NEXMIF: variants seen among roughly 807,000 people sequenced by gnomAD.
The protein encoded by NEXMIF is neurite extension and migration factor, also known as XLMR protein related to neurite extension.
In NEXMIF, 8 loss-of-function variants were observed where a neutral mutation model predicts 62.1. The ratio of observed to expected loss-of-function variants is 0.13; its 90% CI spans 0.08 to 0.23. NEXMIF has a LOEUF of 0.23. NEXMIF is among the 10% of genes least tolerant of loss of function. The pLI is 1.00. For missense variants in NEXMIF, 976 were observed against 1,113.3 expected, an observed-to-expected ratio of 0.88 and a Z score of 1.75; for synonymous variants, 404 against 416.6, an observed-to-expected ratio of 0.97 and a Z score of 0.37.
chrX:74,826,351 T>A (rs2080417298), intron 1 of NEXMIF, among the ~76,000 whole-genome samples: 1 of 112,244 alleles, frequency 8.9e-6, no homozygotes, highest in African/African-American at 3.2e-5. Flanking sequence ...TGCCCACTTT[T>A]TAATGGGGTT....
At chrX:74,884,552 C>T (rs754621985) in intron 1 of NEXMIF, among the ~76,000 whole-genome samples, 1 of 111,654 alleles carries the variant, frequency 9.0e-6, no homozygotes, top group African/African-American at 3.3e-5. Context: ...ACAAAGCAGG[C>T]CATTATATAA....
intron 1 of NEXMIF, among the ~76,000 whole-genome samples, chrX:74,795,405 T>C (rs1326288410): frequency 1.8e-5 from 2 of 112,486 alleles, no homozygotes; most frequent in Non-Finnish European, 3.8e-5. Context: ...GAGTCTTAAA[T>C]GCATTTTGCT....
At chrX:74,836,816 G>A (rs1049871807) in intron 1 of NEXMIF, among the ~76,000 whole-genome samples, 3 of 111,444 alleles carry the variant, frequency 2.7e-5, no homozygotes, top group Non-Finnish European at 5.7e-5. Context: ...TAGGTCACGT[G>A]CCACCCTAGT....
chrX:74,861,047 G>A (rs1476405275), intron 1 of NEXMIF, among the ~76,000 whole-genome samples: 1 of 111,631 alleles, frequency 9.0e-6, no homozygotes, highest in Non-Finnish European at 1.9e-5. Context: ...AAACAAAATC[G>A]GAGCTAAAAA....
At chrX:74,815,326 G>A (rs1215691171) in intron 1 of NEXMIF, among the ~76,000 whole-genome samples, 1 of 111,638 alleles carries the variant, frequency 9.0e-6, no homozygotes, top group Non-Finnish European at 1.9e-5. Flanking sequence ...TCATCCTTAA[G>A]CTATTCCTTT....
At chrX:74,867,624 A>G (rs2080585019) in intron 1 of NEXMIF, among the ~76,000 whole-genome samples, 1 of 112,447 alleles carries the variant, frequency 8.9e-6, no homozygotes, top group Non-Finnish European at 1.9e-5. Flanking sequence ...CACCATATAC[A>G]AAATATGCTG....
chrX:74,911,699 C>T (rs989771760), intron 1 of NEXMIF, among the ~76,000 whole-genome samples: 22 of 112,521 alleles, frequency 2.0e-4, no homozygotes, highest in Non-Finnish European at 3.7e-5. Context: ...AGTCAAACGA[C>T]ATAGATGTGA....
At chrX:74,920,595 T>C (rs2080823603) in intron 1 of NEXMIF, among the ~76,000 whole-genome samples, 1 of 111,943 alleles carries the variant, frequency 8.9e-6, no homozygotes, top group South Asian at 3.7e-4. Context: ...ACTCTGATGG[T>C]AGTTTCTTTG....
chrX:74,863,856 T>A (rs182825627), intron 1 of NEXMIF, among the ~76,000 whole-genome samples: 8 of 111,657 alleles, frequency 7.2e-5, no homozygotes, highest in African/African-American at 2.6e-4. Flanking sequence ...AATGCAAAAA[T>A]CCTCAGTAAA....
chrX:74,884,034 TC>T (rs2080678603), intron 1 of NEXMIF, among the ~76,000 whole-genome samples: 1 of 111,920 alleles, frequency 8.9e-6, no homozygotes, highest in South Asian at 3.7e-4. Flanking sequence ...GAATTTCATA[TC>T]CAGCCAAACT....
chrX:74,831,391 T>C (rs1246653727), intron 1 of NEXMIF, among the ~76,000 whole-genome samples: 1 of 91,676 alleles, frequency 1.1e-5, no homozygotes, highest in Non-Finnish European at 2.1e-5. Context: ...CCCCTTCCTG[T>C]GTCCATGTGT....
chrX:74,837,933 G>A (rs1006145204), intron 1 of NEXMIF, among the ~76,000 whole-genome samples: 6 of 111,519 alleles, frequency 5.4e-5, no homozygotes, highest in Admixed American at 1.9e-4. Flanking sequence ...CTATAAATAC[G>A]TATGTTTCTA....
intron 1 of NEXMIF, among the ~76,000 whole-genome samples, chrX:74,808,925 CTG>C (rs1362095479): frequency 8.9e-6 from 1 of 112,138 alleles, no homozygotes; most frequent in African/African-American, 3.2e-5. Context: ...GTGTTGGAAA[CTG>C]AATCTCCAAT....
intron 1 of NEXMIF, among the ~76,000 whole-genome samples, chrX:74,864,393 T>G (rs2080569698): frequency 8.9e-6 from 1 of 111,933 alleles, no homozygotes; most frequent in African/African-American, 3.2e-5. Context: ...AGTGATATGG[T>G]TTGGCTGTGT....
chrX:74,851,221 T>C (rs1429938205), intron 1 of NEXMIF, among the ~76,000 whole-genome samples: 2 of 110,943 alleles, frequency 1.8e-5, no homozygotes, highest in Non-Finnish European at 3.8e-5. Flanking sequence ...CTACATGACA[T>C]AAAGGAGACC....
At chrX:74,883,827 TC>T (rs2080677371) in intron 1 of NEXMIF, among the ~76,000 whole-genome samples, 1 of 110,788 alleles carries the variant, frequency 9.0e-6, no homozygotes, top group Non-Finnish European at 1.9e-5. Flanking sequence ...GAAGAGCAAC[TC>T]CAAGACACAT....
chrX:74,760,941 C>A (rs1175877703), intron 1 of NEXMIF, among the ~76,000 whole-genome samples: 1 of 109,695 alleles, frequency 9.1e-6, no homozygotes, highest in African/African-American at 3.3e-5. Context: ...AATCTTGGCT[C>A]ACTGCAACCT....
intron 1 of NEXMIF, among the ~76,000 whole-genome samples, chrX:74,797,367 AAATGTACCATAGT>A (rs999355365): frequency 2.7e-5 from 3 of 112,248 alleles, no homozygotes; most frequent in African/African-American, 9.7e-5. Context: ...TAGTTTTTAT[AAATGTACCATAGT>A]AATGTACAGA....
At chrX:74,807,742 C>T (rs749296647) in intron 1 of NEXMIF, among the ~76,000 whole-genome samples, 31 of 111,783 alleles carry the variant, frequency 2.8e-4, no homozygotes, top group Non-Finnish European at 5.1e-4. Context: ...GGAATACAGG[C>T]GTGAGCCACC....
Sources: gnomAD v4.1 joint callset for allele counts (sites outside exome capture counted in the v4.1 genomes callset) on GRCh38, gnomAD v4.1.1 for gene constraint, MANE v1.5 for transcripts, NCBI Gene and HGNC (gene_info 2026-07-23, HGNC 2026-07-21) for gene names.